Variants in CDH11 observed in about 807,000 individuals in gnomAD.
The protein encoded by CDH11 is cadherin-11.
CDH11 carries 11 observed loss-of-function variants against 67.8 expected under a neutral mutation model. The ratio of observed to expected loss-of-function variants is 0.16; its 90% confidence interval spans 0.10 to 0.27. The LOEUF (loss-of-function observed/expected upper bound fraction) is 0.27. Among genes scored for constraint, CDH11 ranks in the 10% least tolerant of loss-of-function variants. The pLI is 1.00. For missense variants in CDH11, 847 were observed against 1,031.2 expected (o/e 0.82, Z 2.45); for synonymous variants, 419 against 400.0 (o/e 1.05, Z -0.57).
At chr16:64,950,661 T>A in intron 12 of CDH11, 106 bp downstream of exon 12, 1 of 1,336,608 alleles carries the variant, frequency 7.5e-7, no homozygotes, top group Non-Finnish European at 1.0e-6. Context: ...GTGTCGACAG[T>A]CATAACAGGG....
intron 11 of CDH11, among the ~76,000 whole-genome samples, chr16:64,968,815 T>C (rs2142418308): frequency 6.6e-6 from 1 of 152,324 alleles, no homozygotes; most frequent in Middle Eastern, 3.4e-3. Context: ...AGAAATTTGG[T>C]AACTCAGTAG....
At chr16:65,022,630 T>C (rs2142582865) in intron 2 of CDH11, among the ~76,000 whole-genome samples, 1 of 152,338 alleles carries the variant, frequency 6.6e-6, no homozygotes, top group Middle Eastern at 3.4e-3. Flanking sequence ...ATGATAACTT[T>C]AGGACATAAC....
At chr16:64,998,492 C>T (rs375485731) in intron 4 of CDH11, 70 bp downstream of exon 4, 46 of 1,419,010 alleles carry the variant, frequency 3.2e-5, no homozygotes, top group Middle Eastern at 2.1e-4. Flanking sequence ...TTTGGGAGAA[C>T]GGGCTTCAGC....
At chr16:64,959,051 C>T (rs548065151) in intron 11 of CDH11, among the ~76,000 whole-genome samples, 31 of 152,080 alleles carry the variant, frequency 2.0e-4, no homozygotes, top group South Asian at 1.5e-3. Context: ...TGAGCCTTAA[C>T]GTACTAATGA....
chr16:64,969,023 G>T (rs1459592922), intron 11 of CDH11, among the ~76,000 whole-genome samples: 1 of 152,152 alleles, frequency 6.6e-6, no homozygotes, highest in Admixed American at 6.5e-5. Flanking sequence ...TTCTTAAAAA[G>T]TAGCAATTTC....
At chr16:65,102,039 TA>T (rs2075000844) in intron 1 of CDH11, among the ~76,000 whole-genome samples, 1 of 152,194 alleles carries the variant, frequency 6.6e-6, no homozygotes, top group African/African-American at 2.4e-5. Flanking sequence ...CATGTATTCT[TA>T]AAAGTAAAAT....
At chr16:65,006,167 C>T (rs942011069) in intron 2 of CDH11, among the ~76,000 whole-genome samples, 1 of 152,104 alleles carries the variant, frequency 6.6e-6, no homozygotes, top group Admixed American at 6.5e-5. Context: ...TGGAGTGCCA[C>T]CCAGACTCCA....
chr16:65,083,903 C>A (rs1435158844), intron 1 of CDH11, among the ~76,000 whole-genome samples: 1 of 152,200 alleles, frequency 6.6e-6, no homozygotes, highest in Non-Finnish European at 1.5e-5. Context: ...AGGGAAAACA[C>A]AGCAGAGCTC....
chr16:64,966,463 G>T (rs1434914440), intron 11 of CDH11, among the ~76,000 whole-genome samples: 1 of 151,682 alleles, frequency 6.6e-6, no homozygotes, highest in Non-Finnish European at 1.5e-5. Context: ...CATCTGTCAG[G>T]TTTCAACATA....
intron 2 of CDH11, among the ~76,000 whole-genome samples, chr16:65,021,986 A>G (rs914818751): frequency 9.2e-5 from 14 of 152,106 alleles, no homozygotes; most frequent in African/African-American, 3.1e-4. Context: ...AAACAGGAAA[A>G]AACTCATTCT....
intron 2 of CDH11, among the ~76,000 whole-genome samples, chr16:65,022,881 G>A (rs147184086): frequency 0.011 from 1,612 of 152,260 alleles, 16 homozygotes; most frequent in Non-Finnish European, 0.014. Context: ...AAGACCTAAC[G>A]CAATTGGGGC....
In CDH11 at chr16:64,947,209, G is replaced by A. The variant is rs978646046; in HGVS notation, c.*394C>T. 5 of 1,090,630 alleles carry A rather than the reference G, an allele frequency of 4.6e-6. No individual in the cohort carries two copies. In the African/African-American group the frequency reaches 6.6e-5, roughly 14 times the overall value. 67.6% of individuals were successfully genotyped at this position (1,090,630 alleles called of 1,614,324 possible). A position where few individuals can be genotyped will look rare whatever the true frequency, so the allele number is the denominator to read the frequency against. ...GTCCAGAGTTTAAGGCGAAATTACA[G>A]CTCAGAACTGTTGTCCTTTCTAATT... is the stretch of plus-strand genomic sequence containing the variant. On this transcript the variant is annotated 3_prime_UTR_variant, in exon 13 of 13. Transcript: ENST00000268603.
Position 64,998,812 on chromosome 16 carries a change from A to C in CDH11, c.273T>G (p.Ile91Met). The C allele has an allele frequency of 6.2e-7, 1 of 1,614,076 alleles. No homozygotes were observed. The highest frequency in any genetic ancestry group is 8.5e-7 in the Non-Finnish European group (1 of 1,179,976). ...TGGTTCCAGCTCCTTCCCCTGAGAGAATGTATTTAATGTTCCCATCACCAG... is the reference window on the plus strand; with the variant it reads ...TGGTTCCAGCTCCTTCCCCTGAGAGCATGTATTTAATGTTCCCATCACCAG... ...IDSGDGNIKY[I>M]LSGEGAGTIF... The change falls in exon 4 of 13, where the codon ATT (isoleucine) becomes ATG (methionine). Residue 91 changes from isoleucine to methionine, a missense_variant. Physicochemically the swap from Ile to Met is conservative, Grantham distance 10. Transcript: ENST00000268603.
intron 2 of CDH11, among the ~76,000 whole-genome samples, chr16:65,046,283 C>T (rs143170108): frequency 6.6e-6 from 1 of 152,298 alleles, no homozygotes; most frequent in East Asian, 1.9e-4. Context: ...CCTGTTACCA[C>T]CCTGGACCAC....
chr16:65,031,785 A>G (rs2073648680), intron 2 of CDH11, among the ~76,000 whole-genome samples: 2 of 152,216 alleles, frequency 1.3e-5, no homozygotes, highest in Non-Finnish European at 2.9e-5. Flanking sequence ...AATGAAGAAA[A>G]TGCTGAGATT....
rs1048889719 is a variant in CDH11, at chr16:64,968,101, T to C, written c.1642+3478A>G. Among the ~76,000 whole-genome samples the C allele has an allele frequency of 5.3e-5, 8 of 152,208 alleles. No homozygotes were observed. The East Asian group carries it at 1.3e-3, about 26-fold the overall frequency. On this transcript the variant is annotated intron_variant, in intron 11 of 12. Transcript: ENST00000268603. ...TTTATATTCATTTTACAGTGTGCCATGTACAACCAACAGGGCCCTCCAAAT... is the reference window on the plus strand; with the variant it reads ...TTTATATTCATTTTACAGTGTGCCACGTACAACCAACAGGGCCCTCCAAAT...
rs2072053683 is a variant in CDH11 at position 64,972,989 on chromosome 16, T to C, written c.1305A>G (p.Pro435=). ...TDLDRFFTIN[P]EDGFIKTTKP... is the part of the protein sequence containing the mutation. ...TTGTAGTTTTAATAAAACCATCCTC[T>C]GGATTAATAGTGAAAAATCTGTCGA... The change falls in exon 9 of 13, where the codon CCA becomes CCG. Residue 435 remains proline, a synonymous_variant. Coordinates refer to ENST00000268603, the MANE Select transcript of CDH11 (RefSeq NM_001797.4). 1 of 1,613,612 alleles carries C rather than the reference T, an allele frequency of 6.2e-7. No individual in the cohort carries two copies. The highest frequency in any genetic ancestry group is 1.1e-5 in the South Asian group (1 of 91,084).
At chr16:65,034,351 T>C (rs1347176676) in intron 2 of CDH11, among the ~76,000 whole-genome samples, 1 of 152,174 alleles carries the variant, frequency 6.6e-6, no homozygotes, top group African/African-American at 2.4e-5. Context: ...AAGCCATCAA[T>C]TTGTGGAACT....
chr16:64,977,549 T>G (rs190546921), intron 8 of CDH11, among the ~76,000 whole-genome samples: 4 of 152,312 alleles, frequency 2.6e-5, no homozygotes, highest in African/African-American at 9.6e-5. Flanking sequence ...TTTTAAGTCA[T>G]TTAAAGGTGT....
Sources: gnomAD v4.1 joint callset for allele counts (sites outside exome capture counted in the v4.1 genomes callset) on GRCh38, gnomAD v4.1.1 for gene constraint, MANE v1.5 for transcripts, NCBI Gene and HGNC (gene_info 2026-07-23, HGNC 2026-07-21) for gene names.